Variants in ZNF705G observed in about 807,000 individuals in gnomAD.
ZNF705G encodes zinc finger protein 705G.
A neutral mutation model predicts 19.6 loss-of-function variants in ZNF705G; 23 were observed. The ratio of observed to expected loss-of-function variants is 1.17; its 90% CI spans 0.84 to 1.66. The LOEUF (loss-of-function observed/expected upper bound fraction) is 1.66. Ranked by LOEUF, ZNF705G falls within the 40% of genes most tolerant of loss-of-function variation. The pLI, the probability that ZNF705G is intolerant of heterozygous loss-of-function variation, is 0.00. For synonymous variants in ZNF705G, 146 were observed against 117.7 expected, an observed-to-expected ratio of 1.24 and a Z score of -1.56; for missense variants, 457 against 354.4, an observed-to-expected ratio of 1.29 and a Z score of -2.32.
At chr8:7,358,902 T>A (rs1806430405) in intron 6 of ZNF705G, among the ~76,000 whole-genome samples, 1 of 149,438 alleles carries the variant, frequency 6.7e-6, no homozygotes, top group Non-Finnish European at 1.5e-5. Context: ...AACTGATAAC[T>A]TTTCTTTACA....
At chr8:7,361,331 C>A in intron 3 of ZNF705G, 95 bp from the exon 4 acceptor site, 1 of 1,584,812 alleles carries the variant, frequency 6.3e-7, no homozygotes, top group Non-Finnish European at 8.5e-7. Flanking sequence ...GCTGGGTATG[C>A]AGAATACTCA....
rs575182720 is a variant in ZNF705G, at chr8:7,359,875, A to C, written c.236-174T>G. 7.3e-5 allele frequency among the ~76,000 whole-genome samples: 11 copies of C among 149,784 alleles called. No individual in the cohort carries two copies. In the South Asian group the frequency reaches 1.9e-3, roughly 26 times the overall value. Reference sequence around the variant, plus strand: ...GATTGTACAGTGTCAGCAATTAGAAAATATTTTTAAAATTAAAATGTGAAA... The same window carrying C: ...GATTGTACAGTGTCAGCAATTAGAACATATTTTTAAAATTAAAATGTGAAA... On this transcript the variant is annotated intron_variant, in intron 5 of 6. Transcript: ENST00000400156.
rs186267535 is a variant in ZNF705G, at chr8:7,363,951, A to T, written c.-71-934T>A. ...ATCAGAAATTAGCAGGAGTACCCCG[A>T]GTCATGGTGTTTCTCTCCTGTGTAT... On this transcript the variant is annotated intron_variant, in intron 2 of 6. Coordinates refer to ENST00000400156, the MANE Select transcript of ZNF705G (RefSeq NM_001164457.3). Among the ~76,000 whole-genome samples the T allele has an allele frequency of 3.7e-3, 556 of 149,574 alleles. 24 individuals carry two copies. The East Asian group carries it at 0.09, about 24-fold the overall frequency.
chr8:7,366,458 T>A lies in ZNF705G; in HGVS notation c.-71-3441A>T, dbSNP rs1320191141. Among the ~76,000 whole-genome samples, 4 of 149,560 alleles carry A rather than the reference T, an allele frequency of 2.7e-5. 1 individual carries two copies. Among genetic ancestry groups the A allele is most frequent in the African/African-American group, 1.0e-4 (4 of 38,982 alleles). On this transcript the variant is annotated intron_variant, in intron 2 of 6. Transcript: ENST00000400156. ...AAAAGGAATATGCAACATATTTAGA[T>A]ACAATAAAATAAAATTAAATTAAAA...
intron 2 of ZNF705G, among the ~76,000 whole-genome samples, chr8:7,379,543 G>A (rs1291257869): frequency 6.8e-6 from 1 of 147,194 alleles, no homozygotes; most frequent in Non-Finnish European, 1.5e-5. Flanking sequence ...GCATGAAAGA[G>A]GGCACTAGAA....
At chr8:7,370,537 G>T (rs564026139) in intron 2 of ZNF705G, among the ~76,000 whole-genome samples, 3 of 147,976 alleles carry the variant, frequency 2.0e-5, no homozygotes, top group Non-Finnish European at 2.9e-5. Context: ...CAGTATGAAG[G>T]TTTCTCAAAA....
chr8:7,382,496 C>A (rs1225816125), intron 1 of ZNF705G, among the ~76,000 whole-genome samples: 2 of 146,550 alleles, frequency 1.4e-5, no homozygotes, highest in African/African-American at 5.5e-5. Context: ...CATGTCTCTG[C>A]ATCTATCAAC....
At chr8:7,370,574 T>C (rs1426664373) in intron 2 of ZNF705G, among the ~76,000 whole-genome samples, 3 of 145,386 alleles carry the variant, frequency 2.1e-5, no homozygotes, top group Non-Finnish European at 4.4e-5. Context: ...TACCTGCTGA[T>C]GAGGCTGCTG....
Position 7,358,419 on chromosome 8 carries a change from GA to G in ZNF705G, c.459del (p.Arg154ValfsTer39), listed in dbSNP as rs1416561057. The G allele has an allele frequency of 6.2e-7, 1 of 1,607,488 alleles. No homozygotes were observed. The highest frequency in any genetic ancestry group is 8.5e-7 in the Non-Finnish European group (1 of 1,179,578). On this transcript the variant is annotated frameshift_variant, in exon 7 of 7. Coordinates refer to ENST00000400156, the MANE Select transcript of ZNF705G (RefSeq NM_001164457.3). LOFTEE classifies it high-confidence loss of function. ...TGTGGTTCAGTGGACAAAAGATTAC[GA>G]AGGGATTTTCCACACTGTTTGCTGA... ...PYVSKQCGKSLRNLLSTEPHK... is the reference protein window; with the variant it reads ...PYVSKQCGKSXRNLLSTEPHK...
intron 1 of ZNF705G, among the ~76,000 whole-genome samples, chr8:7,382,037 A>G: frequency 6.6e-6 from 1 of 152,174 alleles, no homozygotes; most frequent in Non-Finnish European, 1.5e-5. Context: ...GGCTAAGCAC[A>G]CAAGGGCGTG....
chr8:7,370,813 C>A (rs1407347557), intron 2 of ZNF705G, among the ~76,000 whole-genome samples: 1 of 108,714 alleles, frequency 9.2e-6, no homozygotes, highest in Non-Finnish European at 1.8e-5. Context: ...GGAATCAACC[C>A]GAATGTCCAT....
intron 1 of ZNF705G, among the ~76,000 whole-genome samples, chr8:7,384,436 A>T (rs533973039): frequency 1.4e-5 from 2 of 145,866 alleles, no homozygotes; most frequent in East Asian, 3.9e-4. Context: ...TCAAAAAAAG[A>T]CATTTATGCA....
intron 2 of ZNF705G, among the ~76,000 whole-genome samples, chr8:7,364,724 C>A (rs1208523030): frequency 1.3e-5 from 2 of 149,452 alleles, no homozygotes; most frequent in Non-Finnish European, 2.9e-5. Context: ...AAGCACTTTT[C>A]AATATCAACT....
chr8:7,360,279 G>A lies in ZNF705G; in HGVS notation c.193C>T (p.Leu65=), dbSNP rs1806514034. 1.3e-6 allele frequency: 2 copies of A among 1,591,546 alleles called. No homozygotes were observed. The highest frequency in any genetic ancestry group is 2.2e-5 in the South Asian group (2 of 90,684). ...AGAAATACTCTTCCTTCCCTCCACAGCTCTTTTCCTTGCTCCAGCTGCAAA... is the reference window on the plus strand; with the variant it reads ...AGAAATACTCTTCCTTCCCTCCACAACTCTTTTCCTTGCTCCAGCTGCAAA... ...IILQLEQGKE[L]WREGRVFLQD... is the part of the protein sequence containing the mutation. The change falls in exon 5 of 7, where the codon CTG becomes TTG. Residue 65 remains leucine, a synonymous_variant. Coordinates refer to ENST00000400156, the MANE Select transcript of ZNF705G (RefSeq NM_001164457.3).
rs769012557 is a variant in ZNF705G at position 7,361,238 on chromosome 8, T to G, written c.13-2A>C. The G allele has an allele frequency of 6.3e-7, 1 of 1,592,442 alleles. No individual in the cohort carries two copies. Among genetic ancestry groups the G allele is most frequent in the Non-Finnish European group, 8.5e-7 (1 of 1,179,332 alleles). On this transcript the variant is annotated splice_acceptor_variant, in intron 3 of 6. Transcript: ENST00000400156. LOFTEE classifies it high-confidence loss of function. ...TACATCTTCAAAAGTCAGTTTCTTC[T>G]AAAACATCACAGACATTTTAGTTTA...
Position 7,358,157 on chromosome 8 carries a change from A to C in ZNF705G, c.722T>G (p.Phe241Cys). The C allele has an allele frequency of 6.2e-7, 1 of 1,607,504 alleles. No homozygotes were observed. The highest frequency in any genetic ancestry group is 8.5e-7 in the Non-Finnish European group (1 of 1,179,618). ...HQYGKVFIQS[F>C]NLQRHERTHL... ...AGTTCTCTCATGTCTTTGAAGGTTA[A>C]AGGATTGAATAAAGACTTTCCCATA... The change falls in exon 7 of 7, where the codon TTT becomes TGT. Residue 241 changes from phenylalanine to cysteine, a missense_variant. Phe to Cys is a radical substitution (Grantham distance 205). Coordinates refer to ENST00000400156, the MANE Select transcript of ZNF705G (RefSeq NM_001164457.3).
rs1199478673 is a variant in ZNF705G at position 7,379,879 on chromosome 8, C to A, written c.-72+1573G>T. ...CTGTGGCACAATGCCAATTTGAGAGCCCAGCCCCCAAAAGACTACATCCTG... is the reference window on the plus strand; with the variant it reads ...CTGTGGCACAATGCCAATTTGAGAGACCAGCCCCCAAAAGACTACATCCTG... On this transcript the variant is annotated intron_variant, in intron 2 of 6. Coordinates refer to ENST00000400156, the MANE Select transcript of ZNF705G (RefSeq NM_001164457.3). Among the ~76,000 whole-genome samples, 3 of 145,882 alleles carry A rather than the reference C, an allele frequency of 2.1e-5. No homozygotes were observed. The East Asian group carries it at 5.8e-4, about 28-fold the overall frequency.
chr8:7,362,794 C>T, intron 3 of ZNF705G, 141 bp downstream of exon 3: 1 of 1,569,842 alleles, frequency 6.4e-7, no homozygotes, highest in African/African-American at 1.5e-5. Context: ...TTTGGAACAC[C>T]CAGGCAGGGT....
chr8:7,376,747 T>C (rs1462778416), intron 2 of ZNF705G, among the ~76,000 whole-genome samples: 11 of 150,196 alleles, frequency 7.3e-5, no homozygotes, highest in Non-Finnish European at 1.5e-5. Flanking sequence ...ATTTATGTAT[T>C]AAACACATAG....
Sources: gnomAD v4.1 joint callset for allele counts (sites outside exome capture counted in the v4.1 genomes callset) on GRCh38, gnomAD v4.1.1 for gene constraint, MANE v1.5 for transcripts, NCBI Gene and HGNC (gene_info 2026-07-23, HGNC 2026-07-21) for gene names.